The following DPYD variants were observed in gnomAD, a reference collection of about 807,000 sequenced individuals.
The protein encoded by DPYD is dihydropyrimidine dehydrogenase.
A neutral mutation model predicts 116.2 loss-of-function variants in DPYD; 109 were observed. The ratio of observed to expected loss-of-function variants is 0.94; its 90% CI spans 0.80 to 1.10. The LOEUF is 1.10. DPYD is among the 50% of genes least tolerant of loss of function. The pLI, the probability that DPYD is intolerant of heterozygous loss-of-function variation, is 0.00. For missense variants in DPYD, 1,302 were observed against 1,254.5 expected, an observed-to-expected ratio of 1.04 and a Z score of -0.57; for synonymous variants, 440 against 432.0, an observed-to-expected ratio of 1.02 and a Z score of -0.23.
At chr1:97,539,039 T>C (rs1650224856) in intron 12 of DPYD, among the ~76,000 whole-genome samples, 1 of 152,198 alleles carries the variant, frequency 6.6e-6, no homozygotes, top group Non-Finnish European at 1.5e-5. Flanking sequence ...TTTAGGAACA[T>C]ATATTTAGGC....
intron 4 of DPYD, among the ~76,000 whole-genome samples, chr1:97,725,184 C>A (rs1386145556): frequency 6.6e-6 from 1 of 151,526 alleles, no homozygotes; most frequent in African/African-American, 2.4e-5. Context: ...AAAATCAAGA[C>A]AGTAATTCCA....
At chr1:97,384,116 T>TA (rs1281013924) in intron 14 of DPYD, among the ~76,000 whole-genome samples, 2 of 151,044 alleles carry the variant, frequency 1.3e-5, no homozygotes, top group Non-Finnish European at 3.0e-5. Flanking sequence ...CTCCATAAAA[T>TA]AAAAAAATAA....
intron 18 of DPYD, among the ~76,000 whole-genome samples, chr1:97,257,567 TTGTGTATGTATA>T (rs1663583087): frequency 6.6e-6 from 1 of 151,402 alleles, no homozygotes; most frequent in Non-Finnish European, 1.5e-5. Flanking sequence ...ATATATATAT[TTGTGTATGTATA>T]TGTGTATATA....
At chr1:97,831,298 T>C (rs138981791) in intron 2 of DPYD, among the ~76,000 whole-genome samples, 3 of 152,286 alleles carry the variant, frequency 2.0e-5, no homozygotes, top group African/African-American at 7.2e-5. Flanking sequence ...AAAGTAAGCA[T>C]TAAATATCCA....
At chr1:97,265,753 T>A (rs1664186600) in intron 18 of DPYD, among the ~76,000 whole-genome samples, 1 of 152,170 alleles carries the variant, frequency 6.6e-6, no homozygotes, top group African/African-American at 2.4e-5. Flanking sequence ...TTAAATACAA[T>A]TTTTTCTTTA....
In DPYD at chr1:97,082,405, A is replaced by C; in HGVS notation, c.2832T>G (p.Val944=). 1 of 1,613,692 alleles carries C rather than the reference A, an allele frequency of 6.2e-7. No individual in the cohort carries two copies. The highest frequency in any genetic ancestry group is 1.3e-5 in the African/African-American group (1 of 75,034). The part of the protein sequence containing the change: ...TFGELSNVEQ[V]VAMIDEEMCI... ...ACATTTCTTCATCAATCATAGCCAC[A>C]ACTTGCTCTACGTTGCTCAATTCAC... The change falls in exon 22 of 23, where the codon GTT becomes GTG. Residue 944 remains valine, a synonymous_variant. Coordinates refer to ENST00000370192, the MANE Select transcript of DPYD (RefSeq NM_000110.4).
chr1:97,484,464 G>C (rs1678503745), intron 13 of DPYD, among the ~76,000 whole-genome samples: 1 of 152,148 alleles, frequency 6.6e-6, no homozygotes, highest in Non-Finnish European at 1.5e-5. Flanking sequence ...TCCATGTTTA[G>C]AAATCTGAAG....
chr1:97,574,052 GC>G, intron 10 of DPYD, 82 bp from the exon 11 acceptor site: 1 of 1,562,394 alleles, frequency 6.4e-7, no homozygotes, highest in Non-Finnish European at 8.7e-7. Context: ...AATTACACAT[GC>G]TAAAGCTTAT....
At chr1:97,503,079 CTT>C (rs1320502628) in intron 13 of DPYD, among the ~76,000 whole-genome samples, 1 of 152,098 alleles carries the variant, frequency 6.6e-6, no homozygotes, top group East Asian at 1.9e-4. Context: ...TAATTTAAAA[CTT>C]AAGAGTATAT....
chr1:97,544,699 T>C (rs909493484), intron 12 of DPYD, among the ~76,000 whole-genome samples: 2 of 151,398 alleles, frequency 1.3e-5, no homozygotes, highest in Non-Finnish European at 2.9e-5. Context: ...TTAAGATTCC[T>C]TTAGAATGAT....
intron 15 of DPYD, among the ~76,000 whole-genome samples, chr1:97,380,878 C>T (rs34448971): frequency 0.17 from 26,171 of 152,080 alleles, 2,897 homozygotes; most frequent in Non-Finnish European, 0.25. Flanking sequence ...TTCTACAAAA[C>T]GTTATTGGGT....
rs1315137025 is a variant in DPYD, at chr1:97,272,434, C to T, written c.2299+32825G>A. Among the ~76,000 whole-genome samples the T allele has an allele frequency of 2.6e-5, 4 of 152,144 alleles. No individual in the cohort carries two copies. In the South Asian group the frequency reaches 8.3e-4, roughly 32 times the overall value. On this transcript the variant is annotated intron_variant, in intron 18 of 22. Transcript: ENST00000370192. ...TCCTGACAAATACTAAAATAGATAA[C>T]CTTAATAAGGCACTAATGAGATCAT...
intron 16 of DPYD, among the ~76,000 whole-genome samples, chr1:97,331,969 C>A (rs1014299240): frequency 6.6e-6 from 1 of 152,112 alleles, no homozygotes. Flanking sequence ...AAACTTTTAC[C>A]TTAGAAGAAA....
rs191376553 is a variant in DPYD at position 97,830,955 on chromosome 1, C to T, written c.151-2759G>A. The stretch of plus-strand genomic sequence containing the variant: ...TTCTGCCTTGATGTGGAATGGGAAA[C>T]CCAAAATGAGTATTAGGCTAACTAA... On this transcript the variant is annotated intron_variant, in intron 2 of 22. Transcript: ENST00000370192. Among the ~76,000 whole-genome samples the T allele has an allele frequency of 1.2e-3, 186 of 152,174 alleles. No homozygotes were observed. The Middle Eastern group carries it at 0.024, about 20-fold the overall frequency.
intron 18 of DPYD, among the ~76,000 whole-genome samples, chr1:97,257,452 T>TATATATATATATATAGAGAGAGAGAG (rs375490078): frequency 2.5e-4 from 32 of 126,462 alleles, no homozygotes; most frequent in African/African-American, 9.4e-4. Context: ...TATATATATA[T>TATATATATATATATAGAGAGAGAGAG]AGAGAGAGAG....
intron 3 of DPYD, among the ~76,000 whole-genome samples, chr1:97,775,256 C>G (rs111307925): frequency 0.011 from 1,696 of 152,210 alleles, 13 homozygotes; most frequent in Non-Finnish European, 0.017. Flanking sequence ...CATACATTAA[C>G]TATCTTGCCT....
intron 16 of DPYD, among the ~76,000 whole-genome samples, chr1:97,343,765 G>A (rs1669703172): frequency 6.6e-6 from 1 of 151,780 alleles, no homozygotes; most frequent in Non-Finnish European, 1.5e-5. Flanking sequence ...TTTCTTTTGT[G>A]GTCAGGTATG....
intron 2 of DPYD, chr1:97,856,872 A>T (rs1035854642): frequency 6.6e-6 from 1 of 151,972 alleles, no homozygotes; most frequent in African/African-American, 2.4e-5. Flanking sequence ...GATGCTGCAG[A>T]CCTCCTTTGG....
intron 13 of DPYD, among the ~76,000 whole-genome samples, chr1:97,509,026 G>A (rs1453663732): frequency 6.6e-6 from 1 of 151,906 alleles, no homozygotes; most frequent in African/African-American, 2.4e-5. Context: ...CCAGGCATGT[G>A]AATGAAATCA....
Sources: allele counts gnomAD v4.1 joint callset (sites outside exome capture counted in the v4.1 genomes callset), GRCh38; gene constraint gnomAD v4.1.1; transcripts MANE v1.5; gene names NCBI Gene and HGNC (gene_info 2026-07-23, HGNC 2026-07-21).